COLEC10: variants seen among roughly 807,000 people sequenced by gnomAD.
COLEC10 encodes collectin subfamily member 10.
A neutral mutation model predicts 28.4 loss-of-function variants in COLEC10; 22 were observed. That is an observed-to-expected ratio of 0.78 (90% CI 0.55 to 1.11). The LOEUF is 1.11. Ranked by LOEUF, COLEC10 falls within the 50% of genes least tolerant of loss-of-function variation. The pLI, the probability that COLEC10 is intolerant of heterozygous loss-of-function variation, is 0.00. For synonymous variants in COLEC10, 125 were observed against 116.1 expected (o/e 1.08, Z -0.49); for missense variants, 361 against 344.1 (o/e 1.05, Z -0.39).
chr8:119,083,933 A>G (rs534979187), intron 1 of COLEC10, among the ~76,000 whole-genome samples: 1 of 152,272 alleles, frequency 6.6e-6, no homozygotes, highest in South Asian at 2.1e-4. Flanking sequence ...GAGCTTTCAG[A>G]GCAACGTTGC....
chr8:119,079,728 A>C (rs1339894911), intron 1 of COLEC10, among the ~76,000 whole-genome samples: 1 of 150,510 alleles, frequency 6.6e-6, no homozygotes, highest in African/African-American at 2.5e-5. Context: ...TTTGTAATTC[A>C]GATAGGAGAG....
intron 2 of COLEC10, among the ~76,000 whole-genome samples, chr8:119,041,939 G>A (rs977610106): frequency 6.6e-6 from 1 of 151,988 alleles, no homozygotes. Context: ...GATTCAGACT[G>A]GCCAGATATA....
At chr8:119,090,934 C>T (rs552680464) in intron 2 of COLEC10, among the ~76,000 whole-genome samples, 1 of 152,288 alleles carries the variant, frequency 6.6e-6, no homozygotes, top group South Asian at 2.1e-4. Flanking sequence ...TTAATATCAT[C>T]ATGTCCGTAG....
At chr8:118,988,107 G>A in the COLEC10 span, among the ~76,000 whole-genome samples, 1 of 152,102 alleles carries the variant, frequency 6.6e-6, no homozygotes, top group Non-Finnish European at 1.5e-5. Flanking sequence ...ATAGACTGGT[G>A]GAACCATTAA....
intron 3 of COLEC10, among the ~76,000 whole-genome samples, chr8:119,098,428 C>T (rs1224563107): frequency 6.6e-6 from 1 of 152,074 alleles, no homozygotes. Context: ...GGCTCAGGTA[C>T]ATAGCACCTA....
chr8:119,079,621 C>T (rs1554628367), intron 1 of COLEC10, among the ~76,000 whole-genome samples: 1 of 149,840 alleles, frequency 6.7e-6, no homozygotes, highest in Non-Finnish European at 1.5e-5. Flanking sequence ...CACCCCCACC[C>T]ACTTACTCAG....
chr8:118,994,653 C>A (rs1031179415), upstream of COLEC10, among the ~76,000 whole-genome samples: 1 of 152,098 alleles, frequency 6.6e-6, no homozygotes, highest in Non-Finnish European at 1.5e-5. Context: ...GTCTTTGTCT[C>A]TGGAGTCCTT....
rs1815887554 is a variant in COLEC10, at chr8:119,103,847, G to A, written c.394G>A (p.Asp132Asn). ...ATACCGGAAATTTGTTGGACAACTGGATATTAGTATTGCTCGGCTCAAGAC... is the reference window on the plus strand; with the variant it reads ...ATACCGGAAATTTGTTGGACAACTGAATATTAGTATTGCTCGGCTCAAGAC... ...GRYRKFVGQLDISIARLKTSM... is the reference protein window; with the variant it reads ...GRYRKFVGQLNISIARLKTSM... The change falls in exon 5 of 6, where the codon GAT (aspartate) becomes AAT (asparagine). Residue 132 changes from aspartate to asparagine, a missense_variant. By Grantham distance (23) the Asp-to-Asn change is conservative. Transcript: ENST00000332843. 1.2e-6 allele frequency: 2 copies of A among 1,612,874 alleles called. No homozygotes were observed. The highest frequency in any genetic ancestry group is 2.7e-5 in the African/African-American group (2 of 74,828).
intron 2 of COLEC10, among the ~76,000 whole-genome samples, chr8:119,061,464 AG>A (rs1198488847): frequency 6.6e-6 from 1 of 151,944 alleles, no homozygotes; most frequent in Non-Finnish European, 1.5e-5. Flanking sequence ...AACTCTTAAA[AG>A]CTTCTAAAGA....
intron 2 of COLEC10, among the ~76,000 whole-genome samples, chr8:119,046,333 G>T (rs1323360808): frequency 2.0e-5 from 3 of 152,052 alleles, no homozygotes; most frequent in Non-Finnish European, 4.4e-5. Flanking sequence ...TACTCAACGT[G>T]TGTCACTCAT....
At chr8:119,040,917 A>G (rs894278935) in intron 2 of COLEC10, among the ~76,000 whole-genome samples, 4 of 152,216 alleles carry the variant, frequency 2.6e-5, no homozygotes, top group African/African-American at 9.6e-5. Flanking sequence ...CAAACAAACT[A>G]GAAGCCATAG....
chr8:119,048,373 C>A (rs956443319), intron 2 of COLEC10, among the ~76,000 whole-genome samples: 6 of 152,128 alleles, frequency 3.9e-5, no homozygotes, highest in African/African-American at 1.4e-4. Flanking sequence ...TCCAGTTGGT[C>A]AAGTGTCAAG....
the COLEC10 span, among the ~76,000 whole-genome samples, chr8:118,966,472 T>C: frequency 1.3e-5 from 2 of 152,166 alleles, no homozygotes; most frequent in East Asian, 3.9e-4. Context: ...CATAATTTTG[T>C]ATGAAGTAAT....
chr8:119,082,887 G>T (rs1263348020), intron 1 of COLEC10, among the ~76,000 whole-genome samples: 1 of 152,164 alleles, frequency 6.6e-6, no homozygotes, highest in East Asian at 1.9e-4. Context: ...AGTGTGGGCA[G>T]GTAGGGTTAG....
chr8:118,985,131 C>G, the COLEC10 span, among the ~76,000 whole-genome samples: 3 of 152,066 alleles, frequency 2.0e-5, no homozygotes, highest in Non-Finnish European at 2.9e-5. Context: ...TCAGAGAGAG[C>G]ATGGCCCTTC....
At chr8:119,006,556 A>G (rs1308813687) in intron 1 of COLEC10, among the ~76,000 whole-genome samples, 2 of 152,052 alleles carry the variant, frequency 1.3e-5, no homozygotes, top group African/African-American at 4.8e-5. Flanking sequence ...GGGCTGACAC[A>G]TGGTATGGTC....
intron 1 of COLEC10, chr8:119,068,732 AT>A (rs1815023624): frequency 6.6e-6 from 1 of 152,078 alleles, no homozygotes; most frequent in Non-Finnish European, 1.5e-5. Flanking sequence ...CCTCCTGAGC[AT>A]CTGCAGACAT....
At chr8:118,952,448 C>T in the COLEC10 span, among the ~76,000 whole-genome samples, 3 of 152,240 alleles carry the variant, frequency 2.0e-5, no homozygotes, top group South Asian at 4.1e-4. Flanking sequence ...TTACAGGGCC[C>T]CTCTTTATGC....
chr8:119,107,620 C>A lies in COLEC10; in HGVS notation c.*1429C>A, dbSNP rs547280772. Among the ~76,000 whole-genome samples the A allele has an allele frequency of 2.6e-5, 4 of 152,244 alleles. No individual in the cohort carries two copies. The highest frequency in any genetic ancestry group is 2.1e-4 in the South Asian group (1 of 4,818). On this transcript the variant is annotated 3_prime_UTR_variant, in exon 6 of 6. Transcript: ENST00000332843. ...GAGATAGGACTTAATTAGGTTATTT[C>A]TGTGGGTTCAACAAGGGCCATAAAC... is the stretch of plus-strand genomic sequence containing the variant.
Sources: gnomAD v4.1 joint callset for allele counts (sites outside exome capture counted in the v4.1 genomes callset) on GRCh38, gnomAD v4.1.1 for gene constraint, MANE v1.5 for transcripts, NCBI Gene and HGNC (gene_info 2026-07-23, HGNC 2026-07-21) for gene names.